The following PKD1 variants were observed in gnomAD, a reference collection of about 807,000 sequenced individuals.
PKD1 encodes the protein polycystin-1.
PKD1 carries 81 observed loss-of-function variants against 361.7 expected under a neutral mutation model. That is an observed-to-expected ratio of 0.22 (90% confidence interval 0.19 to 0.27). PKD1 has a LOEUF of 0.27. Ranked by LOEUF, PKD1 falls within the 10% of genes least tolerant of loss-of-function variation. The pLI is 1.00. For missense variants in PKD1, 6,399 were observed against 6,118.3 expected (o/e 1.05, Z -1.53); for synonymous variants, 3,615 against 2,818.3 (o/e 1.28, Z -8.95).
At position 2,108,047 on chromosome 16, in the gene PKD1, C is replaced by A. The variant is rs751867234; in HGVS notation, c.6916-15G>T. The A allele has an allele frequency of 8.9e-6, 14 of 1,568,290 alleles. No individual in the cohort carries two copies. In the South Asian group the frequency reaches 1.6e-4, roughly 18 times the overall value. On this transcript the variant is annotated splice_polypyrimidine_tract_variant and intron_variant, in intron 15 of 45. Coordinates refer to ENST00000262304, the MANE Select transcript of PKD1 (RefSeq NM_001009944.3). ...CCAGCCTCCCTCTGCAGGCCGAGAA[C>A]AAGGGGCGACGTGGCCTGAGAGCCC...
At chr16:2,126,534 T>A (rs1020785848) in intron 1 of PKD1, among the ~76,000 whole-genome samples, 10 of 152,246 alleles carry the variant, frequency 6.6e-5, no homozygotes, top group African/African-American at 2.4e-4. Flanking sequence ...GAGCGAGGTG[T>A]TCTGGGAAAG....
intron 23 of PKD1, 52 bp downstream of exon 23, chr16:2,103,214 C>A (rs1338533383): frequency 1.2e-5 from 19 of 1,577,622 alleles, no homozygotes; most frequent in Middle Eastern, 2.3e-4. Context: ...GAAACGCCTT[C>A]CCCCCAAGAA....
chr16:2,125,454 A>C (rs1226260192), intron 1 of PKD1, among the ~76,000 whole-genome samples: 3 of 152,170 alleles, frequency 2.0e-5, no homozygotes, highest in African/African-American at 7.2e-5. Context: ...GTCCTTACAG[A>C]TCCCTCCCAC....
intron 1 of PKD1, chr16:2,131,718 G>C (rs1030050206): frequency 6.6e-6 from 1 of 151,982 alleles, no homozygotes; most frequent in African/African-American, 2.4e-5. Context: ...AGCTACTCAG[G>C]AGGCTGAGGC....
At chr16:2,126,749 A>AC (rs2092804705) in intron 1 of PKD1, among the ~76,000 whole-genome samples, 1 of 152,250 alleles carries the variant, frequency 6.6e-6, no homozygotes, top group South Asian at 2.1e-4. Flanking sequence ...CCAGAAAAGA[A>AC]CATGTGTGTC....
rs1186016738 is a variant in PKD1 at position 2,091,070 on chromosome 16, C to G, written c.11817G>C (p.Trp3939Cys). 1 of 1,515,014 alleles carries G rather than the reference C, an allele frequency of 6.6e-7. No individual in the cohort carries two copies. The highest frequency in any genetic ancestry group is 8.8e-7 in the Non-Finnish European group (1 of 1,137,216). 93.8% of individuals were successfully genotyped at this position (1,515,014 alleles called of 1,614,324 possible). The change falls in exon 43 of 46, where the codon TGG becomes TGC. Residue 3939 changes from tryptophan to cysteine, a missense_variant. By Grantham distance (215) the Trp-to-Cys change is radical. Transcript: ENST00000262304. ...TGGCCGCCGTCAGCGCCACCAGCAG[C>G]CACCGCGCCCAGGCTCCGAGCCGCA... ...RVLRLGAWAR[W>C]LLVALTAATA... is the part of the protein sequence containing the mutation.
chr16:2,094,200 G>A lies in PKD1; in HGVS notation c.10510C>T (p.Pro3504Ser), dbSNP rs1244664166. ...TDLLSSLSST[P>S]GEKTETLALQ... ...GCCAGCGTCTCTGTCTTCTCCCCAG[G>A]AGTGCTGGACCTGAGGGACATGGTA... Residue 3504 changes from proline to serine, a missense_variant, in exon 35 of 46, where the codon CCT (proline) becomes TCT (serine). Coordinates refer to ENST00000262304, the MANE Select transcript of PKD1 (RefSeq NM_001009944.3). 3.1e-6 allele frequency: 5 copies of A among 1,597,802 alleles called. No individual in the cohort carries two copies. In the Admixed American group the frequency reaches 5.0e-5, roughly 16 times the overall value.
In PKD1 at chr16:2,112,772, C is replaced by G; in HGVS notation, c.3161+16G>C. 6.3e-7 allele frequency: 1 copy of G among 1,593,774 alleles called. No homozygotes were observed. The highest frequency in any genetic ancestry group is 8.5e-7 in the Non-Finnish European group (1 of 1,177,554). The stretch of plus-strand genomic sequence containing the variant: ...GAGCCTGGTGCCCACCCCAAACCGG[C>G]CCCCGAGTCACTCACAGGAAGGCCA... On this transcript the variant is annotated intron_variant, in intron 13 of 45. Transcript: ENST00000262304.
intron 12 of PKD1, 98 bp downstream of exon 12, chr16:2,113,063 G>T: frequency 1.5e-6 from 2 of 1,329,460 alleles, no homozygotes; most frequent in South Asian, 1.2e-5. Flanking sequence ...CAGCGTCCTC[G>T]GGCAGCATGA....
chr16:2,110,608 G>A lies in PKD1; in HGVS notation c.4559C>T (p.Thr1520Ile). The change falls in exon 15 of 46, where the codon ACA (threonine) becomes ATA (isoleucine). Residue 1520 changes from threonine to isoleucine, a missense_variant. Physicochemically the swap from Thr to Ile is moderately conservative, Grantham distance 89. Coordinates refer to ENST00000262304, the MANE Select transcript of PKD1 (RefSeq NM_001009944.3). Reference protein sequence around the residue: ...GPEVTHAYNSTGDFTVRVAGW... With the variant: ...GPEVTHAYNSIGDFTVRVAGW... The stretch of plus-strand genomic sequence containing the variant: ...GGCCACCCTAACGGTGAAGTCACCT[G>A]TGCTGTTGTAAGCGTGGGTGACCTC... 6.2e-7 allele frequency: 1 copy of A among 1,610,544 alleles called. No homozygotes were observed. Among genetic ancestry groups the A allele is most frequent in the Non-Finnish European group, 8.5e-7 (1 of 1,179,558 alleles).
chr16:2,089,282 T>C lies in PKD1; in HGVS notation c.*445A>G, dbSNP rs920022480. On this transcript the variant is annotated 3_prime_UTR_variant, in exon 46 of 46. Coordinates refer to ENST00000262304, the MANE Select transcript of PKD1 (RefSeq NM_001009944.3). ...CACATTTTAACACCATATAAATTACTGACACGAGACACACAGTGAGACGGT... is the reference window on the plus strand; with the variant it reads ...CACATTTTAACACCATATAAATTACCGACACGAGACACACAGTGAGACGGT... 1 of 209,496 alleles carries C rather than the reference T, an allele frequency of 4.8e-6. No homozygotes were observed. Among genetic ancestry groups the C allele is most frequent in the African/African-American group, 2.3e-5 (1 of 43,212 alleles). 13.0% of individuals were successfully genotyped at this position (209,496 alleles called of 1,614,324 possible). A position where few individuals can be genotyped will look rare whatever the true frequency, so the allele number is the denominator to read the frequency against.
chr16:2,118,167 G>C lies in PKD1; in HGVS notation c.825C>G (p.Ala275=). The C allele has an allele frequency of 6.4e-7, 1 of 1,569,570 alleles. No homozygotes were observed. Among genetic ancestry groups the C allele is most frequent in the Non-Finnish European group, 8.6e-7 (1 of 1,159,950 alleles). Residue 275 remains alanine, a synonymous_variant, in exon 5 of 46, where the codon GCC becomes GCG. Coordinates refer to ENST00000262304, the MANE Select transcript of PKD1 (RefSeq NM_001009944.3). The surrounding 1 kb of genome is among the most constrained non-coding windows in gnomAD (Gnocchi z 6.0). ...LQHVFPASPG[A]TLVGPHGPLA... ...GAGGTCCGTGGGGCCCCACCAGGGT[G>C]GCCCCTGGGGAGGCAGGGAAGACGT...
Position 2,115,567 on chromosome 16 carries a change from C to T in PKD1, c.1908G>A (p.Leu636=), listed in dbSNP as rs1332556133. The T allele has an allele frequency of 1.3e-6, 2 of 1,593,078 alleles. No individual in the cohort carries two copies. The highest frequency in any genetic ancestry group is 1.7e-5 in the Admixed American group (1 of 58,880). The change falls in exon 10 of 46, where the codon CTG becomes CTA. Residue 636 remains leucine, a synonymous_variant. Coordinates refer to ENST00000262304, the MANE Select transcript of PKD1 (RefSeq NM_001009944.3). The part of the protein sequence containing the change: ...ESRSPDNRTQ[L]APACMPGGRW... ...GTCCCCCTGGCATGCACGCGGGGGC[C>T]AGCTGGGTCCTGTTGTCCGGGGACC...
Position 2,107,999 on chromosome 16 carries a change from G to A in PKD1, c.6949C>T (p.Pro2317Ser), listed in dbSNP as rs1258778523. 4 of 1,548,458 alleles carry A rather than the reference G, an allele frequency of 2.6e-6. No homozygotes were observed. The highest frequency in any genetic ancestry group is 2.4e-5 in the South Asian group (2 of 84,200). The change falls in exon 16 of 46, where the codon CCC becomes TCC. Residue 2317 changes from proline to serine, a missense_variant. Physicochemically the swap from Pro to Ser is moderately conservative, Grantham distance 74. Coordinates refer to ENST00000262304, the MANE Select transcript of PKD1 (RefSeq NM_001009944.3). The stretch of plus-strand genomic sequence containing the variant: ...ATGGTGACCGTGCTGCTCCCGCGGG[G>A]CCCAAAGTTCAGCGCACACCCGCCA... ...EAGGCALNFG[P>S]RGSSTVTIPR...
rs2092941472 is a variant in PKD1 at position 2,135,617 on chromosome 16, C to G, written c.73G>C (p.Gly25Arg). ...CAGGGCCCGCAGCCGCGCCCGGGGC[C>G]CCCCGCCAGCGCCCCGAGCCACAGG... is the stretch of plus-strand genomic sequence containing the variant. ...LGLWLGALAG[G>R]PGRGCGPCEP... The change falls in exon 1 of 46, where the codon GGC (glycine) becomes CGC (arginine). Residue 25 changes from glycine to arginine, a missense_variant. Coordinates refer to ENST00000262304, the MANE Select transcript of PKD1 (RefSeq NM_001009944.3). 2 of 977,174 alleles carry G rather than the reference C, an allele frequency of 2.0e-6. No individual in the cohort carries two copies. Among genetic ancestry groups the G allele is most frequent in the South Asian group, 9.2e-5 (2 of 21,728 alleles). The allele number at this position is 977,174 out of a possible 1,614,324, so 60.5% of individuals were successfully genotyped here. A position where few individuals can be genotyped will look rare whatever the true frequency, so the allele number is the denominator to read the frequency against.
rs762701624 is a variant in PKD1, at chr16:2,090,252, G to A, written c.12444+33C>T. 122 of 1,608,780 alleles carry A rather than the reference G, an allele frequency of 7.6e-5. No homozygotes were observed. In the Admixed American group the frequency reaches 8.4e-4, roughly 11 times the overall value. ...CTGCACCCTGGGCAGAGCCCAGGGCGTGTCCCTCTCCCCCCCACTGGGCCG... is the reference window on the plus strand; with the variant it reads ...CTGCACCCTGGGCAGAGCCCAGGGCATGTCCCTCTCCCCCCCACTGGGCCG... On this transcript the variant is annotated intron_variant, in intron 45 of 45. Coordinates refer to ENST00000262304, the MANE Select transcript of PKD1 (RefSeq NM_001009944.3).
At chr16:2,098,371 G>A (rs2091938529) in intron 30 of PKD1, among the ~76,000 whole-genome samples, 3 of 151,904 alleles carry the variant, frequency 2.0e-5, no homozygotes, top group Admixed American at 2.0e-4. Flanking sequence ...ACCATGCCCA[G>A]CTAATTTTTT....
rs766658912 is a variant in PKD1, at chr16:2,105,468, G to A, written c.7870C>T (p.Arg2624Trp). Reference sequence around the variant, plus strand: ...GGCTCTGCCGCCACGTCCAGGGCCCGCTCGTACTGGGGCAGGCAGGGGGCA... The same window carrying A: ...GGCTCTGCCGCCACGTCCAGGGCCCACTCGTACTGGGGCAGGCAGGGGGCA... ...ALVTVLNEYE[R>W]ALDVAAEPKH... is the part of the protein sequence containing the mutation. The change falls in exon 21 of 46, where the codon CGG (arginine) becomes TGG (tryptophan). Residue 2624 changes from arginine (R) to tryptophan (W), a missense_variant. Transcript: ENST00000262304. 85 of 1,594,836 alleles carry A rather than the reference G, an allele frequency of 5.3e-5. No individual in the cohort carries two copies. Among genetic ancestry groups the A allele is most frequent in the Admixed American group, 1.8e-4 (11 of 59,964 alleles).
At position 2,091,573 on chromosome 16, in the gene PKD1, G is replaced by C; in HGVS notation, c.11562C>G (p.Leu3854=). ...GCCCCACGGCCGGGCTGTAGCGCGTGAGCTCCAGGAACACAGCGCGGCTCC... is the reference window on the plus strand; with the variant it reads ...GCCCCACGGCCGGGCTGTAGCGCGTCAGCTCCAGGAACACAGCGCGGCTCC... ...DNRSRAVFLE[L]TRYSPAVGLH... is the part of the protein sequence containing the mutation. Residue 3854 remains leucine (L), a synonymous_variant, in exon 42 of 46, where the codon CTC becomes CTG. Transcript: ENST00000262304. 1.3e-6 allele frequency: 2 copies of C among 1,549,590 alleles called. No individual in the cohort carries two copies. The highest frequency in any genetic ancestry group is 1.7e-6 in the Non-Finnish European group (2 of 1,157,878).
Sources: allele counts gnomAD v4.1 joint callset (sites outside exome capture counted in the v4.1 genomes callset), GRCh38; gene constraint gnomAD v4.1.1; non-coding constraint Gnocchi (gnomAD v3.1); transcripts MANE v1.5; gene names NCBI Gene and HGNC (gene_info 2026-07-23, HGNC 2026-07-21).